Variants in ZNF423 observed in about 807,000 individuals in gnomAD.
The protein encoded by ZNF423 is Ebf-associated zinc finger protein.
A neutral mutation model predicts 95.8 loss-of-function variants in ZNF423; 12 were observed. That is an observed-to-expected ratio of 0.13 (90% confidence interval 0.08 to 0.20). The LOEUF (loss-of-function observed/expected upper bound fraction) is 0.20, where lower values mean the gene tolerates loss of function less well. ZNF423 is among the 10% of genes least tolerant of loss of function. The pLI is 1.00. For missense variants in ZNF423, 1,316 were observed against 1,737.1 expected, an observed-to-expected ratio of 0.76 and a Z score of 4.31; for synonymous variants, 749 against 711.9, an observed-to-expected ratio of 1.05 and a Z score of -0.83.
At chr16:49,502,201 G>A (rs1049128745) in intron 7 of ZNF423, among the ~76,000 whole-genome samples, 2 of 152,242 alleles carry the variant, frequency 1.3e-5, no homozygotes, top group Admixed American at 1.3e-4. Context: ...ACCCTGAAGT[G>A]AGGTGGGGAG....
At chr16:49,504,550 C>T (rs1014748505) in intron 7 of ZNF423, among the ~76,000 whole-genome samples, 1 of 152,158 alleles carries the variant, frequency 6.6e-6, no homozygotes, top group African/African-American at 2.4e-5. Context: ...CCACTGCACT[C>T]CAGCCTGGGT....
chr16:49,645,326 G>C (rs183293760), intron 3 of ZNF423, among the ~76,000 whole-genome samples: 1 of 152,252 alleles, frequency 6.6e-6, no homozygotes, highest in Admixed American at 6.5e-5. Context: ...GAAAAGCTGA[G>C]GCCCAGAAAA....
intron 3 of ZNF423, among the ~76,000 whole-genome samples, chr16:49,702,500 A>G (rs2032214067): frequency 6.6e-6 from 1 of 152,022 alleles, no homozygotes; most frequent in African/African-American, 2.4e-5. Flanking sequence ...GACCTCACTG[A>G]TCACTGCAAG....
At chr16:49,688,052 C>A (rs1481204972) in intron 3 of ZNF423, among the ~76,000 whole-genome samples, 9 of 28,032 alleles carry the variant, frequency 3.2e-4, no homozygotes, top group African/African-American at 6.1e-4. Flanking sequence ...GACCACGGTG[C>A]GGTTTTTTTT....
intron 5 of ZNF423, among the ~76,000 whole-genome samples, chr16:49,624,960 T>C: frequency 6.6e-6 from 1 of 152,228 alleles, no homozygotes; most frequent in Non-Finnish European, 1.5e-5. Flanking sequence ...TTCATTAAGC[T>C]TCTCACTTAT....
chr16:49,741,057 T>G (rs779754588), intron 2 of ZNF423, among the ~76,000 whole-genome samples: 6 of 152,138 alleles, frequency 3.9e-5, no homozygotes, highest in Admixed American at 3.9e-4. Flanking sequence ...AGAGAAGCTC[T>G]CAACTCCAAT....
At position 49,636,956 on chromosome 16, in the gene ZNF423, C is replaced by T. The variant is rs373085653; in HGVS notation, c.2220G>A (p.Lys740=). Residue 740 remains lysine (K), a synonymous_variant, in exon 4 of 8, where the codon AAG becomes AAA. Transcript: ENST00000563137. The surrounding 1 kb of genome is among the most constrained non-coding windows in gnomAD (Gnocchi z 8.6). ...CTLCQEVFDS[K]VSIQVHLAVK... is the part of the protein sequence containing the mutation. Reference sequence around the variant, plus strand: ...CCGCCAGGTGCACCTGGATGGACACCTTGGAGTCGAAGACCTCCTGACACA... The same window carrying T: ...CCGCCAGGTGCACCTGGATGGACACTTTGGAGTCGAAGACCTCCTGACACA... 3.7e-6 allele frequency: 6 copies of T among 1,613,672 alleles called. No homozygotes were observed. The African/African-American group carries it at 6.7e-5, about 18-fold the overall frequency.
At chr16:49,741,515 AAG>A (rs1337773973) in intron 2 of ZNF423, among the ~76,000 whole-genome samples, 9 of 148,232 alleles carry the variant, frequency 6.1e-5, no homozygotes, top group Non-Finnish European at 9.0e-5. Context: ...TCAAAAAAAA[AAG>A]AAGAAGAAGG....
At chr16:49,727,208 TAAAGTC>T (rs1346158704) in intron 3 of ZNF423, among the ~76,000 whole-genome samples, 1 of 152,102 alleles carries the variant, frequency 6.6e-6, no homozygotes, top group Non-Finnish European at 1.5e-5. Context: ...TCCGAGACCT[TAAAGTC>T]CACGCTTCAA....
At chr16:49,608,814 C>T (rs1971623539) in intron 5 of ZNF423, among the ~76,000 whole-genome samples, 1 of 152,204 alleles carries the variant, frequency 6.6e-6, no homozygotes, top group Admixed American at 6.5e-5. Context: ...CAGAAGAAAA[C>T]TATGACCCCA....
At chr16:49,845,405 A>G (rs931839887) in intron 1 of ZNF423, among the ~76,000 whole-genome samples, 3 of 145,944 alleles carry the variant, frequency 2.1e-5, no homozygotes, top group African/African-American at 7.5e-5. Flanking sequence ...GCGCCCAGCA[A>G]TTTTTTTTTT....
intron 3 of ZNF423, among the ~76,000 whole-genome samples, chr16:49,684,702 G>C (rs1167267454): frequency 6.6e-6 from 1 of 152,180 alleles, no homozygotes; most frequent in Non-Finnish European, 1.5e-5. Flanking sequence ...AGTTCATGTA[G>C]GGGGTGGAAC....
chr16:49,846,943 C>T (rs1175929491), intron 1 of ZNF423: 2 of 152,458 alleles, frequency 1.3e-5, no homozygotes, highest in Admixed American at 1.3e-4. Flanking sequence ...CCTCTCCAGC[C>T]ATGCCCACCT....
chr16:49,518,086 A>G, intron 7 of ZNF423: 1 of 446,818 alleles, frequency 2.2e-6, no homozygotes. Context: ...TCACACTGAC[A>G]ATGGAAAAGT....
At chr16:49,810,970 T>A (rs982001559) in intron 1 of ZNF423, among the ~76,000 whole-genome samples, 2 of 150,324 alleles carry the variant, frequency 1.3e-5, no homozygotes, top group African/African-American at 2.5e-5. Flanking sequence ...TAATGGGGGG[T>A]CTTGAAACCA....
chr16:49,596,961 C>T (rs1270008644), intron 5 of ZNF423, among the ~76,000 whole-genome samples: 1 of 152,244 alleles, frequency 6.6e-6, no homozygotes, highest in Non-Finnish European at 1.5e-5. Flanking sequence ...CCTGGGGTTT[C>T]GGCCACGTGG....
At chr16:49,694,879 G>T (rs1324450804) in intron 3 of ZNF423, among the ~76,000 whole-genome samples, 1 of 152,228 alleles carries the variant, frequency 6.6e-6, no homozygotes, top group Non-Finnish European at 1.5e-5. Flanking sequence ...TTCATGTGAA[G>T]AAATGTCTCT....
rs552396668 is a variant in ZNF423 at position 49,498,544 on chromosome 16, A to G, written c.3850-7240T>C. ...TGGGCCATGGGGAGCCATGGAAGGT[A>G]TTTGAGCTGTGGAGTTACAGGAGAG... On this transcript the variant is annotated intron_variant, in intron 7 of 7. Transcript: ENST00000563137. 3.3e-5 allele frequency among the ~76,000 whole-genome samples: 5 copies of G among 152,260 alleles called. No homozygotes were observed. The East Asian group carries it at 9.7e-4, about 29-fold the overall frequency.
At chr16:49,565,666 C>A (rs912123672) in intron 5 of ZNF423, among the ~76,000 whole-genome samples, 3 of 152,126 alleles carry the variant, frequency 2.0e-5, no homozygotes, top group East Asian at 1.9e-4. Context: ...GGTCTCTAGT[C>A]GATCTACTCA....
Sources: allele counts gnomAD v4.1 joint callset (sites outside exome capture counted in the v4.1 genomes callset), GRCh38; gene constraint gnomAD v4.1.1; non-coding constraint Gnocchi (gnomAD v3.1); transcripts MANE v1.5; gene names NCBI Gene and HGNC (gene_info 2026-07-23, HGNC 2026-07-21).